Variants in LHFPL3 observed in about 807,000 individuals in gnomAD.
LHFPL3 encodes LHFPL tetraspan subfamily member 3, also known as LHFPL tetraspan subfamily member 3 protein.
Under a neutral mutation model 19.3 loss-of-function variants are expected in LHFPL3, and 5 were observed. That is an observed-to-expected ratio of 0.26 (90% confidence interval 0.14 to 0.54). LHFPL3 has a LOEUF of 0.54. Ranked by LOEUF, LHFPL3 falls within the 20% of genes least tolerant of loss-of-function variation. The pLI is 0.94. For synonymous variants in LHFPL3, 133 were observed against 126.2 expected, an observed-to-expected ratio of 1.05 and a Z score of -0.36; for missense variants, 249 against 307.4, an observed-to-expected ratio of 0.81 and a Z score of 1.42.
intron 1 of LHFPL3, among the ~76,000 whole-genome samples, chr7:104,424,344 G>A (rs1338880491): frequency 1.3e-5 from 2 of 152,184 alleles, no homozygotes; most frequent in South Asian, 2.1e-4. Flanking sequence ...GCGGCTGTAC[G>A]AAGGTACAGA....
At chr7:104,805,691 C>A (rs1790347379) in intron 2 of LHFPL3, among the ~76,000 whole-genome samples, 1 of 152,232 alleles carries the variant, frequency 6.6e-6, no homozygotes, top group Non-Finnish European at 1.5e-5. Context: ...TTCCTTCAGT[C>A]AGCCTCCACA....
At chr7:104,623,325 C>T (rs1791483402) in intron 1 of LHFPL3, among the ~76,000 whole-genome samples, 1 of 151,790 alleles carries the variant, frequency 6.6e-6, no homozygotes, top group Admixed American at 6.6e-5. Flanking sequence ...ACTTCTGATA[C>T]TGAATCATAA....
At position 104,387,581 on chromosome 7, in the gene LHFPL3, A is replaced by G. The variant is rs1031782064; in HGVS notation, c.445+58357A>G. 2.3e-4 allele frequency among the ~76,000 whole-genome samples: 35 copies of G among 152,114 alleles called. 1 individual carries two copies. The highest frequency in any genetic ancestry group is 8.4e-4 in the African/African-American group (35 of 41,426). On this transcript the variant is annotated intron_variant, in intron 1 of 2. Coordinates refer to ENST00000424859, the MANE Select transcript of LHFPL3 (RefSeq NM_199000.3). ...CTTGTGGACATCATCAAGCATACCA[A>G]TATATGCATAATGGTACTCTCAGAA...
chr7:104,567,695 A>G (rs1790150001), intron 1 of LHFPL3, among the ~76,000 whole-genome samples: 1 of 152,212 alleles, frequency 6.6e-6, no homozygotes, highest in South Asian at 2.1e-4. Flanking sequence ...TGTTGAGGAA[A>G]GGGGACTTCT....
At chr7:104,858,858 T>C (rs1791560174) in intron 2 of LHFPL3, among the ~76,000 whole-genome samples, 1 of 152,104 alleles carries the variant, frequency 6.6e-6, no homozygotes, top group African/African-American at 2.4e-5. Flanking sequence ...CCCATCATCC[T>C]ATAAATGTGT....
intron 2 of LHFPL3, among the ~76,000 whole-genome samples, chr7:104,880,900 G>T (rs1397746609): frequency 1.3e-5 from 2 of 152,188 alleles, no homozygotes; most frequent in Non-Finnish European, 1.5e-5. Context: ...GCCAGGCGCG[G>T]TGGCTCATGC....
intron 1 of LHFPL3, among the ~76,000 whole-genome samples, chr7:104,453,535 T>TA (rs767988401): frequency 2.0e-5 from 3 of 152,160 alleles, no homozygotes; most frequent in Non-Finnish European, 4.4e-5. Context: ...AAAAAGAACT[T>TA]ACAATAGCAA....
rs576825420 is a variant in LHFPL3, at chr7:104,706,453, G to A, written c.446-30222G>A. Among the ~76,000 whole-genome samples the A allele has an allele frequency of 3.3e-5, 5 of 152,310 alleles. No homozygotes were observed. In the South Asian group the frequency reaches 1.0e-3, roughly 32 times the overall value. On this transcript the variant is annotated intron_variant, in intron 1 of 2. Coordinates refer to ENST00000424859, the MANE Select transcript of LHFPL3 (RefSeq NM_199000.3). ...TGAAGCTGGACAAGTCCAGCCAAAT[G>A]AGCAATATTCTCAATTTCCTGGCCA... is the stretch of plus-strand genomic sequence containing the variant.
At chr7:104,732,228 G>A (rs879638111) in intron 1 of LHFPL3, among the ~76,000 whole-genome samples, 4 of 152,176 alleles carry the variant, frequency 2.6e-5, no homozygotes, top group Non-Finnish European at 4.4e-5. Context: ...TCAGGATGGT[G>A]CTGGCCTCAT....
intron 1 of LHFPL3, among the ~76,000 whole-genome samples, chr7:104,341,749 A>C (rs1562869330): frequency 1.3e-5 from 2 of 152,164 alleles, no homozygotes; most frequent in Non-Finnish European, 2.9e-5. Flanking sequence ...GATGGGCTCT[A>C]GAGGGAGCTC....
chr7:104,430,430 A>ATATG (rs1791964962), intron 1 of LHFPL3, among the ~76,000 whole-genome samples: 1 of 10,624 alleles, frequency 9.4e-5, no homozygotes, highest in Non-Finnish European at 2.1e-4. Context: ...ATATATATAT[A>ATATG]TATATATATA....
intron 1 of LHFPL3, among the ~76,000 whole-genome samples, chr7:104,576,738 A>C (rs1562939770): frequency 6.6e-6 from 1 of 152,120 alleles, no homozygotes; most frequent in Non-Finnish European, 1.5e-5. Flanking sequence ...CATCAGTCTT[A>C]TACCTTGACC....
intron 1 of LHFPL3, among the ~76,000 whole-genome samples, chr7:104,603,130 CT>C (rs1181148779): frequency 1.0e-5 from 1 of 98,726 alleles, no homozygotes; most frequent in Non-Finnish European, 2.1e-5. Context: ...TTCTTTCTTT[CT>C]TTTTTCCCTT....
At chr7:104,670,720 G>A (rs1046185673) in intron 1 of LHFPL3, among the ~76,000 whole-genome samples, 1 of 152,108 alleles carries the variant, frequency 6.6e-6, no homozygotes, top group African/African-American at 2.4e-5. Context: ...CTTGGATGGT[G>A]GATAAATAGG....
intron 1 of LHFPL3, among the ~76,000 whole-genome samples, chr7:104,627,229 A>G (rs1425521442): frequency 6.6e-6 from 1 of 152,064 alleles, no homozygotes; most frequent in African/African-American, 2.4e-5. Flanking sequence ...GCGGTATTTG[A>G]CTTTCTGTGC....
intron 1 of LHFPL3, among the ~76,000 whole-genome samples, chr7:104,584,858 G>A (rs577225804): frequency 1.6e-4 from 25 of 152,250 alleles, no homozygotes; most frequent in East Asian, 9.6e-4. Context: ...ATGGTAATTC[G>A]GTGATCTCAA....
chr7:104,755,582 CCA>C (rs35584345), intron 2 of LHFPL3, among the ~76,000 whole-genome samples: 3 of 150,414 alleles, frequency 2.0e-5, no homozygotes, highest in African/African-American at 4.9e-5. Flanking sequence ...CCCAACACCA[CCA>C]CACACACACA....
intron 1 of LHFPL3, among the ~76,000 whole-genome samples, chr7:104,570,002 G>A (rs1790202057): frequency 1.3e-5 from 2 of 152,178 alleles, no homozygotes. Flanking sequence ...ATGATTCATT[G>A]TGTTTTGAAG....
chr7:104,573,559 T>A (rs1790271258), intron 1 of LHFPL3, among the ~76,000 whole-genome samples: 2 of 152,296 alleles, frequency 1.3e-5, no homozygotes, highest in Admixed American at 6.5e-5. Flanking sequence ...ATTTTCCCAT[T>A]GGAGTTATTT....
Sources: allele counts gnomAD v4.1 joint callset (sites outside exome capture counted in the v4.1 genomes callset), GRCh38; gene constraint gnomAD v4.1.1; transcripts MANE v1.5; gene names NCBI Gene and HGNC (gene_info 2026-07-23, HGNC 2026-07-21).